The following PABPC4L variants were observed in gnomAD, a reference collection of about 807,000 sequenced individuals.
PABPC4L encodes the protein poly(A) binding protein cytoplasmic 4 like.
For missense variants in PABPC4L, 452 were observed against 451.4 expected (o/e 1.00, Z -0.01); for synonymous variants, 169 against 164.1 (o/e 1.03, Z -0.23).
At chr4:134,165,194 T>G in the PABPC4L span, among the ~76,000 whole-genome samples, 1 of 152,092 alleles carries the variant, frequency 6.6e-6, no homozygotes, top group Non-Finnish European at 1.5e-5. Flanking sequence ...AAAGAAAACC[T>G]AGGATAAACT....
the PABPC4L span, among the ~76,000 whole-genome samples, chr4:134,176,870 A>G: frequency 6.6e-6 from 1 of 152,136 alleles, no homozygotes; most frequent in African/African-American, 2.4e-5. Flanking sequence ...CTGCACTTCT[A>G]AACTGAGGCA....
the PABPC4L span, among the ~76,000 whole-genome samples, chr4:134,165,082 T>C: frequency 4.6e-5 from 7 of 152,150 alleles, no homozygotes; most frequent in Admixed American, 4.6e-4. Context: ...AGCAGCCACA[T>C]GCAGAAGAAT....
the PABPC4L span, among the ~76,000 whole-genome samples, chr4:134,181,939 A>C: frequency 1.3e-5 from 2 of 151,948 alleles, no homozygotes; most frequent in South Asian, 4.1e-4. Flanking sequence ...TAAAATGCCC[A>C]AAGCAATTGA....
At chr4:133,980,489 G>A in the PABPC4L span, among the ~76,000 whole-genome samples, 1 of 152,082 alleles carries the variant, frequency 6.6e-6, no homozygotes, top group Admixed American at 6.6e-5. Flanking sequence ...AGAAAACACA[G>A]TAAGATGTCA....
At chr4:134,052,870 T>C in the PABPC4L span, among the ~76,000 whole-genome samples, 1 of 152,142 alleles carries the variant, frequency 6.6e-6, no homozygotes, top group African/African-American at 2.4e-5. Context: ...TTTAGTTTTA[T>C]ATTTTTGTAT....
the PABPC4L span, among the ~76,000 whole-genome samples, chr4:134,043,976 C>A: frequency 6.6e-6 from 1 of 151,414 alleles, no homozygotes; most frequent in African/African-American, 2.4e-5. Flanking sequence ...ATTCTGTCAC[C>A]TAGAATGTGT....
the PABPC4L span, among the ~76,000 whole-genome samples, chr4:133,988,030 G>C: frequency 6.6e-6 from 1 of 152,068 alleles, no homozygotes; most frequent in African/African-American, 2.4e-5. Flanking sequence ...ATCAGATCTT[G>C]TCAGAACTCA....
the PABPC4L span, among the ~76,000 whole-genome samples, chr4:133,952,624 G>T: frequency 0.021 from 3,199 of 152,048 alleles, 47 homozygotes; most frequent in Non-Finnish European, 0.031. Context: ...ACTATTTTTC[G>T]TGGTTGTTTT....
the PABPC4L span, among the ~76,000 whole-genome samples, chr4:133,951,979 A>C: frequency 6.6e-6 from 1 of 152,114 alleles, no homozygotes; most frequent in African/African-American, 2.4e-5. Context: ...TTCTGTCACC[A>C]ATTAGATGTC....
the PABPC4L span, among the ~76,000 whole-genome samples, chr4:134,061,063 A>G: frequency 6.6e-6 from 1 of 152,056 alleles, no homozygotes; most frequent in African/African-American, 2.4e-5. Context: ...GCATTTAAAA[A>G]TAACTAAAAG....
At chr4:134,127,371 A>T in the PABPC4L span, among the ~76,000 whole-genome samples, 4 of 151,990 alleles carry the variant, frequency 2.6e-5, no homozygotes, top group Non-Finnish European at 5.9e-5. Context: ...CTAAACAAAA[A>T]ATCAATGAGG....
chr4:133,986,602 T>C, the PABPC4L span, among the ~76,000 whole-genome samples: 9 of 152,216 alleles, frequency 5.9e-5, no homozygotes, highest in African/African-American at 2.2e-4. Flanking sequence ...AACCTCAACA[T>C]ACTAATAGAC....
At chr4:134,007,979 G>A in the PABPC4L span, among the ~76,000 whole-genome samples, 1 of 151,790 alleles carries the variant, frequency 6.6e-6, no homozygotes, top group African/African-American at 2.4e-5. Flanking sequence ...AATCTAAGAT[G>A]TGTAAACTAT....
At chr4:134,170,282 C>T in the PABPC4L span, among the ~76,000 whole-genome samples, 2 of 152,116 alleles carry the variant, frequency 1.3e-5, no homozygotes, top group South Asian at 4.1e-4. Context: ...ATACATACCA[C>T]ATTTCCTTTC....
the PABPC4L span, among the ~76,000 whole-genome samples, chr4:134,178,865 G>A: frequency 1.3e-5 from 2 of 152,074 alleles, no homozygotes; most frequent in African/African-American, 4.8e-5. Context: ...AATAAAGACT[G>A]AATAAAACAT....
chr4:134,183,270 G>A, the PABPC4L span, among the ~76,000 whole-genome samples: 3 of 151,842 alleles, frequency 2.0e-5, no homozygotes, highest in Non-Finnish European at 4.4e-5. Flanking sequence ...GGAATACTAT[G>A]CAGCCATAAA....
At chr4:134,003,144 T>G in the PABPC4L span, among the ~76,000 whole-genome samples, 1 of 151,974 alleles carries the variant, frequency 6.6e-6, no homozygotes, top group Non-Finnish European at 1.5e-5. Context: ...GAAGATTATC[T>G]GATATAGTCT....
At chr4:134,039,962 C>A in the PABPC4L span, among the ~76,000 whole-genome samples, 1 of 151,962 alleles carries the variant, frequency 6.6e-6, no homozygotes, top group East Asian at 1.9e-4. Context: ...AGCTCCCTTT[C>A]ACAATTGCTA....
At chr4:134,013,903 C>T in the PABPC4L span, among the ~76,000 whole-genome samples, 1 of 152,096 alleles carries the variant, frequency 6.6e-6, no homozygotes, top group Non-Finnish European at 1.5e-5. Context: ...CACCTCCCCT[C>T]CTCACACCCA....
Sources: allele counts gnomAD v4.1 joint callset (sites outside exome capture counted in the v4.1 genomes callset), GRCh38; gene constraint gnomAD v4.1.1; transcripts MANE v1.5; gene names NCBI Gene and HGNC (gene_info 2026-07-23, HGNC 2026-07-21).